PDE8B: variants seen among roughly 807,000 people sequenced by gnomAD.
PDE8B encodes the protein phosphodiesterase 8B, also known as high affinity cAMP-specific and IBMX-insensitive 3',5'-cyclic phosphodiesterase 8B.
PDE8B carries 26 observed loss-of-function variants against 101.3 expected under a neutral mutation model. The observed-to-expected ratio is 0.26, with a 90% CI of 0.19 to 0.36. PDE8B has a LOEUF of 0.36. Ranked by LOEUF, PDE8B falls within the 10% of genes least tolerant of loss-of-function variation. The probability of loss-of-function intolerance (pLI) is 1.00; values close to 1 mark genes in which losing one functional copy is unlikely to be tolerated. For missense variants in PDE8B, 810 were observed against 1,163.1 expected (o/e 0.70, Z 4.42); for synonymous variants, 424 against 429.3 (o/e 0.99, Z 0.15).
At chr5:77,107,576 G>A in the PDE8B span, among the ~76,000 whole-genome samples, 2 of 152,130 alleles carry the variant, frequency 1.3e-5, no homozygotes, top group Non-Finnish European at 2.9e-5. Flanking sequence ...GAACTGATGA[G>A]AGAGGGTATC....
At position 77,290,367 on chromosome 5, in the gene PDE8B, C is replaced by A. The variant is rs555496396; in HGVS notation, c.340-21627C>A. ...CGTGTATAATGGAAGCTGGGGAGGC[C>A]GGGGAGAGGTTATTATGACCTGTTG... On this transcript the variant is annotated intron_variant, in intron 1 of 21. Transcript: ENST00000264917. 4 of 1,405,554 alleles carry A rather than the reference C, an allele frequency of 2.8e-6. No individual in the cohort carries two copies. The Admixed American group carries it at 6.7e-5, about 24-fold the overall frequency. The allele number at this position is 1,405,554 out of a possible 1,614,324, so 87.1% of individuals were successfully genotyped here. A position where few individuals can be genotyped will look rare whatever the true frequency, so the allele number is the denominator to read the frequency against.
At chr5:77,200,486 GCT>G in the PDE8B span, among the ~76,000 whole-genome samples, 1 of 152,152 alleles carries the variant, frequency 6.6e-6, no homozygotes, top group African/African-American at 2.4e-5. Context: ...GTTTTGTGAG[GCT>G]TGCAGACATC....
intron 15 of PDE8B, 22 bp from the exon 16 acceptor site, chr5:77,412,078 C>T (rs749231488): frequency 1.8e-5 from 29 of 1,613,664 alleles, no homozygotes; most frequent in Non-Finnish European, 2.0e-5. Flanking sequence ...ACCAGCCTCC[C>T]CCATCCCATC....
At chr5:77,317,705 C>G (rs1448844950) in intron 2 of PDE8B, among the ~76,000 whole-genome samples, 1 of 152,114 alleles carries the variant, frequency 6.6e-6, no homozygotes. Context: ...ATACCTGGAA[C>G]ACGTTTACTT....
intron 2 of PDE8B, among the ~76,000 whole-genome samples, chr5:77,318,286 T>TA (rs1169325972): frequency 6.6e-6 from 1 of 152,174 alleles, no homozygotes. Flanking sequence ...TGTCTGTCCT[T>TA]ACTGCTGCTA....
At chr5:77,295,766 A>G (rs1000321922) in intron 1 of PDE8B, among the ~76,000 whole-genome samples, 6 of 152,344 alleles carry the variant, frequency 3.9e-5, no homozygotes, top group East Asian at 3.9e-4. Context: ...TGAAAAATCC[A>G]GAGTTAGATA....
intron 1 of PDE8B, among the ~76,000 whole-genome samples, chr5:77,231,274 G>C (rs1753506315): frequency 6.6e-6 from 1 of 152,182 alleles, no homozygotes; most frequent in Non-Finnish European, 1.5e-5. Flanking sequence ...ACAAAGTCAG[G>C]CTACAAAGAC....
chr5:77,306,047 C>T (rs1025780730), intron 1 of PDE8B, among the ~76,000 whole-genome samples: 6 of 152,124 alleles, frequency 3.9e-5, no homozygotes, highest in Non-Finnish European at 5.9e-5. Context: ...TGGACACACA[C>T]GCACATGCAC....
chr5:77,412,029 A>C, intron 15 of PDE8B, 71 bp from the exon 16 acceptor site: 1 of 1,501,580 alleles, frequency 6.7e-7, no homozygotes, highest in Non-Finnish European at 9.3e-7. Flanking sequence ...AACTATGAAG[A>C]TGATGACAGA....
At chr5:77,228,374 C>G (rs1239186197) in intron 1 of PDE8B, among the ~76,000 whole-genome samples, 2 of 152,134 alleles carry the variant, frequency 1.3e-5, no homozygotes, top group Non-Finnish European at 2.9e-5. Context: ...TGGAACCTGC[C>G]TGTCCTACAA....
intron 17 of PDE8B, among the ~76,000 whole-genome samples, chr5:77,417,178 G>A (rs546578707): frequency 1.3e-5 from 2 of 152,272 alleles, no homozygotes; most frequent in African/African-American, 2.4e-5. Context: ...CCTTTCAAGT[G>A]TCCAGTAGCT....
chr5:77,182,510 A>G, the PDE8B span, among the ~76,000 whole-genome samples: 1,092 of 152,230 alleles, frequency 7.2e-3, 10 homozygotes, highest in African/African-American at 0.023. Context: ...CCTCCCTGTT[A>G]CAGGCATGAG....
intron 10 of PDE8B, among the ~76,000 whole-genome samples, chr5:77,374,049 C>T (rs777761460): frequency 6.6e-5 from 10 of 152,138 alleles, no homozygotes; most frequent in South Asian, 2.1e-4. Flanking sequence ...TGGGTTTCTC[C>T]ATGTTGGTCA....
chr5:77,162,646 A>G, the PDE8B span, among the ~76,000 whole-genome samples: 1 of 152,196 alleles, frequency 6.6e-6, no homozygotes, highest in Admixed American at 6.5e-5. Flanking sequence ...TCTTGATGTT[A>G]TGTTTGGGTT....
chr5:77,415,214 C>T (rs1465526277), intron 17 of PDE8B, among the ~76,000 whole-genome samples: 3 of 152,248 alleles, frequency 2.0e-5, no homozygotes, highest in Non-Finnish European at 2.9e-5. Flanking sequence ...GTGGGTCCAT[C>T]ATGAGGTGCT....
chr5:77,314,265 C>T (rs917357059), intron 2 of PDE8B, among the ~76,000 whole-genome samples: 8 of 152,066 alleles, frequency 5.3e-5, no homozygotes, highest in African/African-American at 1.9e-4. Context: ...TTATCCAGTA[C>T]CACACTGTCT....
chr5:77,363,653 C>T (rs1379550606), intron 10 of PDE8B, among the ~76,000 whole-genome samples: 3 of 149,282 alleles, frequency 2.0e-5, no homozygotes, highest in Admixed American at 6.7e-5. Flanking sequence ...CGGAGGTTGC[C>T]GTGAGCCGAG....
chr5:77,341,192 T>C (rs1013760287), intron 6 of PDE8B, among the ~76,000 whole-genome samples: 4 of 152,156 alleles, frequency 2.6e-5, no homozygotes, highest in Admixed American at 1.3e-4. Flanking sequence ...GCAGGTTTAT[T>C]TAAATAGAAC....
chr5:77,249,671 C>G (rs1162676713), intron 1 of PDE8B, among the ~76,000 whole-genome samples: 1 of 152,228 alleles, frequency 6.6e-6, no homozygotes, highest in East Asian at 1.9e-4. Context: ...GCAGCAATTG[C>G]TAGGCAGAAT....
Sources: gnomAD v4.1 joint callset for allele counts (sites outside exome capture counted in the v4.1 genomes callset) on GRCh38, gnomAD v4.1.1 for gene constraint, MANE v1.5 for transcripts, NCBI Gene and HGNC (gene_info 2026-07-23, HGNC 2026-07-21) for gene names.